SLC4A4: variants seen among roughly 807,000 people sequenced by gnomAD.
The protein encoded by SLC4A4 is electrogenic sodium bicarbonate cotransporter 1.
In SLC4A4, 27 loss-of-function variants were observed where a neutral mutation model predicts 111.5. That is an observed-to-expected ratio of 0.24 (90% CI 0.18 to 0.33). The LOEUF (loss-of-function observed/expected upper bound fraction) is 0.33. Ranked by LOEUF, SLC4A4 falls within the 10% of genes least tolerant of loss-of-function variation. The pLI is 1.00. For synonymous variants in SLC4A4, 443 were observed against 463.4 expected, an observed-to-expected ratio of 0.96 and a Z score of 0.57; for missense variants, 909 against 1,315.5, an observed-to-expected ratio of 0.69 and a Z score of 4.78.
intron 2 of SLC4A4, among the ~76,000 whole-genome samples, chr4:71,101,738 C>G (rs1742742776): frequency 6.6e-6 from 1 of 152,076 alleles, no homozygotes; most frequent in Non-Finnish European, 1.5e-5. Flanking sequence ...AACTAACAAA[C>G]AGAAAGGACA....
At chr4:71,485,355 A>AATTC (rs1224260890) in intron 14 of SLC4A4, among the ~76,000 whole-genome samples, 1 of 151,638 alleles carries the variant, frequency 6.6e-6, no homozygotes, top group Non-Finnish European at 1.5e-5. Context: ...ATGGATGTTG[A>AATTC]ATTTTATCCA....
chr4:71,285,534 G>C (rs1171609246), intron 3 of SLC4A4, among the ~76,000 whole-genome samples: 2 of 152,192 alleles, frequency 1.3e-5, no homozygotes, highest in Non-Finnish European at 2.9e-5. Context: ...GAACCTGGAA[G>C]TATGCTGATG....
intron 1 of SLC4A4, among the ~76,000 whole-genome samples, chr4:71,086,765 G>A (rs532216291): frequency 1.2e-4 from 18 of 152,102 alleles, no homozygotes; most frequent in Middle Eastern, 6.8e-3. Flanking sequence ...CCACTTGATC[G>A]TGGTAGATAA....
chr4:71,376,792 A>G (rs1732447348), intron 6 of SLC4A4, among the ~76,000 whole-genome samples: 1 of 151,576 alleles, frequency 6.6e-6, no homozygotes, highest in Admixed American at 6.6e-5. Context: ...GTGCGCCACC[A>G]TGCCCAGCTA....
At chr4:71,234,027 A>G (rs1719629576) in intron 1 of SLC4A4, among the ~76,000 whole-genome samples, 1 of 152,032 alleles carries the variant, frequency 6.6e-6, no homozygotes. Flanking sequence ...CAACATCCTA[A>G]ACTTGTCTTC....
chr4:71,486,899 T>C (rs1729454607), intron 14 of SLC4A4, 49 bp from the exon 15 acceptor site: 3 of 1,171,644 alleles, frequency 2.6e-6, no homozygotes, highest in Middle Eastern at 2.9e-4. Context: ...ATTTAAGGTC[T>C]TTTTCTATTT....
At chr4:71,148,924 G>T (rs529826961) in intron 2 of SLC4A4, among the ~76,000 whole-genome samples, 3 of 152,232 alleles carry the variant, frequency 2.0e-5, no homozygotes, top group African/African-American at 7.2e-5. Flanking sequence ...GGATTGCTGG[G>T]TTGAATGGTA....
At chr4:71,100,149 A>G (rs1252995441) in intron 2 of SLC4A4, among the ~76,000 whole-genome samples, 1 of 152,164 alleles carries the variant, frequency 6.6e-6, no homozygotes, top group Non-Finnish European at 1.5e-5. Flanking sequence ...AGATGCAACA[A>G]AAAAAGAAAA....
At chr4:71,134,868 A>T (rs1743802486) in intron 2 of SLC4A4, among the ~76,000 whole-genome samples, 1 of 152,134 alleles carries the variant, frequency 6.6e-6, no homozygotes, top group African/African-American at 2.4e-5. Context: ...TTTAGGTAGG[A>T]TGTTGGGAGT....
At chr4:71,446,203 A>G (rs1002479208) in intron 8 of SLC4A4, among the ~76,000 whole-genome samples, 9 of 152,178 alleles carry the variant, frequency 5.9e-5, no homozygotes, top group African/African-American at 9.6e-5. Flanking sequence ...GTAATTATAC[A>G]TTCAAGGGCA....
intron 7 of SLC4A4, among the ~76,000 whole-genome samples, chr4:71,405,302 T>C (rs1247919395): frequency 3.9e-5 from 6 of 152,152 alleles, no homozygotes; most frequent in African/African-American, 1.2e-4. Flanking sequence ...AGCAGCTTGA[T>C]GTTGAGTTTA....
chr4:71,091,244 G>C (rs1015924005), intron 1 of SLC4A4, among the ~76,000 whole-genome samples: 17 of 140,294 alleles, frequency 1.2e-4, no homozygotes, highest in Non-Finnish European at 2.3e-4. Context: ...CACTGTGCCT[G>C]GCCTTGAAAT....
At chr4:71,535,621 G>A (rs1018358839) in intron 18 of SLC4A4, among the ~76,000 whole-genome samples, 8 of 152,062 alleles carry the variant, frequency 5.3e-5, no homozygotes, top group Non-Finnish European at 1.2e-4. Flanking sequence ...TGAACTGAAA[G>A]TATCACCTGC....
intron 7 of SLC4A4, among the ~76,000 whole-genome samples, chr4:71,415,257 A>G (rs1422732500): frequency 6.6e-6 from 1 of 152,220 alleles, no homozygotes; most frequent in Admixed American, 6.5e-5. Context: ...AGATGATTGT[A>G]TATCTGAATT....
intron 2 of SLC4A4, among the ~76,000 whole-genome samples, chr4:71,146,353 G>T (rs1744170311): frequency 6.6e-6 from 1 of 152,160 alleles, no homozygotes; most frequent in Admixed American, 6.6e-5. Context: ...TTGCTGAGGA[G>T]TGCTTTACTT....
At chr4:71,429,883 C>A (rs2097273391) in intron 7 of SLC4A4, among the ~76,000 whole-genome samples, 2 of 152,064 alleles carry the variant, frequency 1.3e-5, no homozygotes, top group Non-Finnish European at 2.9e-5. Context: ...CTTGTTTTAT[C>A]TTTTATTGTT....
chr4:71,249,687 A>C (rs1219152792), intron 2 of SLC4A4, among the ~76,000 whole-genome samples: 1 of 152,054 alleles, frequency 6.6e-6, no homozygotes, highest in African/African-American at 2.4e-5. Context: ...TCAGGAGTTC[A>C]AAACCAGCCT....
intron 7 of SLC4A4, among the ~76,000 whole-genome samples, chr4:71,406,550 T>C (rs1482707681): frequency 6.6e-6 from 1 of 152,068 alleles, no homozygotes; most frequent in Non-Finnish European, 1.5e-5. Flanking sequence ...CATGACCTTA[T>C]CAGTCACCAG....
rs112634137 is a variant in SLC4A4, at chr4:71,252,750, A to G, written c.74-2470A>G. 2.1e-3 allele frequency among the ~76,000 whole-genome samples: 316 copies of G among 152,298 alleles called. 4 individuals are homozygous for G. The highest frequency in any genetic ancestry group is 7.0e-3 in the African/African-American group (291 of 41,560). The stretch of plus-strand genomic sequence containing the variant: ...AGTGGTTGCATTAGACAGGAGTGGG[A>G]ACAGAGAGTGACTGCAAATGGATAT... On this transcript the variant is annotated intron_variant, in intron 2 of 25. Transcript: ENST00000264485.
Sources: allele counts gnomAD v4.1 joint callset (sites outside exome capture counted in the v4.1 genomes callset), GRCh38; gene constraint gnomAD v4.1.1; transcripts MANE v1.5; gene names NCBI Gene and HGNC (gene_info 2026-07-23, HGNC 2026-07-21).